GFRA1: variants seen among roughly 807,000 people sequenced by gnomAD.
GFRA1 encodes the protein GDNF family receptor alpha-1.
Under a neutral mutation model 51.6 loss-of-function variants are expected in GFRA1, and 16 were observed. The observed-to-expected ratio is 0.31, with a 90% CI of 0.21 to 0.47. GFRA1 has a LOEUF of 0.47. Among genes scored for constraint, GFRA1 ranks in the 20% least tolerant of loss-of-function variants. The pLI is 1.00. For missense variants in GFRA1, 530 were observed against 594.3 expected (o/e 0.89, Z 1.13); for synonymous variants, 270 against 241.3 (o/e 1.12, Z -1.10).
chr10:116,089,419 C>A (rs1956235147), intron 9 of GFRA1, among the ~76,000 whole-genome samples: 1 of 152,098 alleles, frequency 6.6e-6, no homozygotes, highest in Admixed American at 6.5e-5. Flanking sequence ...AAATATGTAA[C>A]CAAGCCAACT....
At chr10:116,256,262 C>G (rs1968845182) in intron 4 of GFRA1, among the ~76,000 whole-genome samples, 1 of 152,154 alleles carries the variant, frequency 6.6e-6, no homozygotes, top group Non-Finnish European at 1.5e-5. Context: ...AAGGTTTTTG[C>G]TCCTTGCCAC....
At position 116,064,076 on chromosome 10, in the gene GFRA1, GATGATCATCATC is replaced by G. The variant is rs1330845889; in HGVS notation, c.*310_*321del. The G allele has an allele frequency of 7.2e-4, 85 of 118,048 alleles. No individual in the cohort carries two copies. Among genetic ancestry groups the G allele is most frequent in the South Asian group, 5.3e-3 (56 of 10,600 alleles). 7.3% of individuals were successfully genotyped at this position (118,048 alleles called of 1,614,324 possible). ...TCATGATGATCATCATCATGATCAT[GATGATCATCATC>G]ATGATCATCATCATCATCGAAAACA... On this transcript the variant is annotated 3_prime_UTR_variant, in exon 11 of 11. Transcript: ENST00000355422.
chr10:116,117,295 G>T (rs1436346882), intron 6 of GFRA1, among the ~76,000 whole-genome samples: 1 of 151,990 alleles, frequency 6.6e-6, no homozygotes, highest in Non-Finnish European at 1.5e-5. Flanking sequence ...TTTGTCTTGT[G>T]ACTCTCTTCC....
At chr10:116,238,359 T>C (rs3781556) in intron 4 of GFRA1, among the ~76,000 whole-genome samples, 33,586 of 152,068 alleles carry the variant, frequency 0.22, 4,275 homozygotes, top group African/African-American at 0.35. Context: ...ATGCAAACTT[T>C]ACCATCTGCA....
chr10:116,168,350 G>C (rs550568881), intron 5 of GFRA1, among the ~76,000 whole-genome samples: 15 of 152,194 alleles, frequency 9.9e-5, no homozygotes, highest in African/African-American at 3.4e-4. Flanking sequence ...ATTAAGATAG[G>C]GTTCAAAAGA....
chr10:116,092,954 G>A (rs185038204), intron 8 of GFRA1, among the ~76,000 whole-genome samples: 1 of 152,252 alleles, frequency 6.6e-6, no homozygotes, highest in African/African-American at 2.4e-5. Flanking sequence ...CCGTGCTTTT[G>A]GAGTCTGATG....
chr10:116,226,313 A>G (rs939840542), intron 4 of GFRA1, among the ~76,000 whole-genome samples: 5 of 152,198 alleles, frequency 3.3e-5, no homozygotes, highest in Admixed American at 2.6e-4. Flanking sequence ...TGTTTCCCAA[A>G]TAAGCCAGGC....
At chr10:116,178,300 G>GAGC (rs36018500) in intron 5 of GFRA1, among the ~76,000 whole-genome samples, 1 of 41,202 alleles carries the variant, frequency 2.4e-5, no homozygotes, top group African/African-American at 1.5e-4. Flanking sequence ...ACAAGGGGCC[G>GAGC]GGGGGGCGTT....
intron 4 of GFRA1, among the ~76,000 whole-genome samples, chr10:116,237,944 G>C (rs1449597746): frequency 6.6e-6 from 1 of 152,142 alleles, no homozygotes; most frequent in Non-Finnish European, 1.5e-5. Flanking sequence ...TCCAAGCTGA[G>C]CATCAGCGCT....
intron 9 of GFRA1, among the ~76,000 whole-genome samples, chr10:116,071,734 A>G (rs555859083): frequency 3.9e-4 from 60 of 152,350 alleles, no homozygotes; most frequent in Non-Finnish European, 6.5e-4. Flanking sequence ...ATAGGTGGTC[A>G]ATTGGGAAAT....
upstream of GFRA1, among the ~76,000 whole-genome samples, chr10:116,273,705 CACAG>C (rs1844119227): frequency 6.6e-6 from 1 of 152,100 alleles, no homozygotes; most frequent in Non-Finnish European, 1.5e-5. Context: ...CACACACACA[CACAG>C]ACACACACAC....
chr10:116,132,691 T>G (rs1958152697), intron 5 of GFRA1, among the ~76,000 whole-genome samples: 1 of 152,118 alleles, frequency 6.6e-6, no homozygotes. Context: ...TCACAGGATA[T>G]ATAAATTAGG....
intron 5 of GFRA1, among the ~76,000 whole-genome samples, chr10:116,143,568 C>A (rs555927276): frequency 6.6e-6 from 1 of 152,110 alleles, no homozygotes; most frequent in Non-Finnish European, 1.5e-5. Context: ...AATATCCATA[C>A]GTTGCAACTG....
intron 4 of GFRA1, among the ~76,000 whole-genome samples, chr10:116,247,918 A>G (rs1172701455): frequency 6.6e-6 from 1 of 152,222 alleles, no homozygotes; most frequent in Non-Finnish European, 1.5e-5. Flanking sequence ...TACTTGTAGA[A>G]TGAATCACTT....
At chr10:116,162,718 A>G (rs528797521) in intron 5 of GFRA1, among the ~76,000 whole-genome samples, 79 of 152,330 alleles carry the variant, frequency 5.2e-4, no homozygotes, top group African/African-American at 1.9e-3. Flanking sequence ...TTGTGTTGTG[A>G]TGGTTGCACA....
At chr10:116,184,476 C>A (rs1962519048) in intron 5 of GFRA1, among the ~76,000 whole-genome samples, 1 of 152,240 alleles carries the variant, frequency 6.6e-6, no homozygotes, top group Non-Finnish European at 1.5e-5. Context: ...CCCAGTGGAG[C>A]AACACATCTT....
intron 5 of GFRA1, among the ~76,000 whole-genome samples, chr10:116,149,297 G>A (rs1411933005): frequency 6.6e-6 from 1 of 152,174 alleles, no homozygotes; most frequent in African/African-American, 2.4e-5. Flanking sequence ...AATATGGCCT[G>A]CAGAAAATCA....
At chr10:116,189,425 G>A (rs1963049030) in intron 5 of GFRA1, among the ~76,000 whole-genome samples, 1 of 152,112 alleles carries the variant, frequency 6.6e-6, no homozygotes, top group African/African-American at 2.4e-5. Flanking sequence ...TTTCCCAAAT[G>A]TCTTAGAGAA....
At chr10:116,095,049 C>G (rs747252346) in intron 7 of GFRA1, among the ~76,000 whole-genome samples, 1 of 152,214 alleles carries the variant, frequency 6.6e-6, no homozygotes, top group Non-Finnish European at 1.5e-5. Context: ...GCCCTCCATT[C>G]ATCATCCTTA....
Sources: allele counts gnomAD v4.1 joint callset (sites outside exome capture counted in the v4.1 genomes callset), GRCh38; gene constraint gnomAD v4.1.1; transcripts MANE v1.5; gene names NCBI Gene and HGNC (gene_info 2026-07-23, HGNC 2026-07-21).